Variants in KCNAB1 observed in about 807,000 individuals in gnomAD.
KCNAB1 encodes the protein voltage-gated potassium channel subunit beta-1.
Under a neutral mutation model 64.6 loss-of-function variants are expected in KCNAB1, and 35 were observed. The ratio of observed to expected loss-of-function variants is 0.54; its 90% CI spans 0.41 to 0.72. KCNAB1 has a LOEUF of 0.72. KCNAB1 is among the 30% of genes least tolerant of loss of function. The pLI, the probability that KCNAB1 is intolerant of heterozygous loss-of-function variation, is 0.00. For synonymous variants in KCNAB1, 177 were observed against 183.8 expected (o/e 0.96, Z 0.30); for missense variants, 401 against 512.9 (o/e 0.78, Z 2.11).
At chr3:156,204,099 T>C (rs1664480958) in intron 1 of KCNAB1, among the ~76,000 whole-genome samples, 1 of 152,166 alleles carries the variant, frequency 6.6e-6, no homozygotes, top group African/African-American at 2.4e-5. Context: ...TCAGTGGGAG[T>C]AGGAAGACAG....
chr3:156,499,366 C>T (rs1004299447), intron 8 of KCNAB1, among the ~76,000 whole-genome samples: 1 of 152,082 alleles, frequency 6.6e-6, no homozygotes, highest in African/African-American at 2.4e-5. Context: ...ATTTCTAGGA[C>T]CCTCAGTTTT....
At chr3:156,269,616 T>C (rs1216848135) in intron 1 of KCNAB1, among the ~76,000 whole-genome samples, 1 of 152,190 alleles carries the variant, frequency 6.6e-6, no homozygotes, top group Non-Finnish European at 1.5e-5. Context: ...AGATATTATT[T>C]TAGTGCTAAT....
intron 1 of KCNAB1, among the ~76,000 whole-genome samples, chr3:156,144,911 G>A (rs575228455): frequency 2.6e-5 from 4 of 152,308 alleles, no homozygotes; most frequent in Admixed American, 2.0e-4. Context: ...TATGTTCTAG[G>A]AAAGCATTTT....
chr3:156,367,865 A>G (rs1017833842), intron 1 of KCNAB1, among the ~76,000 whole-genome samples: 5 of 152,288 alleles, frequency 3.3e-5, no homozygotes, highest in African/African-American at 1.2e-4. Context: ...AAAAATACAC[A>G]AGACAAAAAT....
At chr3:156,177,415 C>T (rs1343083925) in intron 1 of KCNAB1, among the ~76,000 whole-genome samples, 3 of 152,158 alleles carry the variant, frequency 2.0e-5, no homozygotes, top group Non-Finnish European at 4.4e-5. Context: ...CTCTCTCTGT[C>T]GCCGAGGCTG....
At chr3:156,226,009 A>G (rs1381225985) in intron 1 of KCNAB1, among the ~76,000 whole-genome samples, 4 of 152,196 alleles carry the variant, frequency 2.6e-5, no homozygotes, top group Non-Finnish European at 4.4e-5. Context: ...CAATCTATAA[A>G]TTCATTGCAA....
chr3:156,294,963 C>T (rs551550426), intron 1 of KCNAB1, among the ~76,000 whole-genome samples: 3 of 152,214 alleles, frequency 2.0e-5, no homozygotes, highest in Non-Finnish European at 4.4e-5. Context: ...TTGCTGAGCA[C>T]CTATTCTATA....
chr3:156,296,271 CT>C (rs1469616312), intron 1 of KCNAB1, among the ~76,000 whole-genome samples: 1 of 151,962 alleles, frequency 6.6e-6, no homozygotes, highest in Non-Finnish European at 1.5e-5. Context: ...TTTTAAATAA[CT>C]TTTTGGAATG....
chr3:156,343,136 G>A lies in KCNAB1; in HGVS notation c.276-78480G>A, dbSNP rs769804929. 3.9e-5 allele frequency among the ~76,000 whole-genome samples: 6 copies of A among 152,266 alleles called. No homozygotes were observed. In the South Asian group the frequency reaches 1.0e-3, roughly 26 times the overall value. On this transcript the variant is annotated intron_variant, in intron 1 of 13. Transcript: ENST00000490337. ...TTCCTGCATAAAATGGATTTTAATC[G>A]TACAGCTACAGCTCTCTAGTTGCTT...
At chr3:156,318,453 A>G (rs937243909) in intron 1 of KCNAB1, among the ~76,000 whole-genome samples, 46 of 152,228 alleles carry the variant, frequency 3.0e-4, no homozygotes, top group African/African-American at 9.9e-4. Context: ...CTTCCCAGCA[A>G]CTGTTGCTTT....
At chr3:156,365,539 A>G (rs1022686512) in intron 1 of KCNAB1, among the ~76,000 whole-genome samples, 4 of 152,214 alleles carry the variant, frequency 2.6e-5, no homozygotes, top group African/African-American at 9.6e-5. Flanking sequence ...CTTATACACC[A>G]GTATTTTTCA....
At chr3:156,463,863 G>C in intron 6 of KCNAB1, 117 bp downstream of exon 6, 1 of 574,968 alleles carries the variant, frequency 1.7e-6, no homozygotes, top group Non-Finnish European at 2.8e-6. Flanking sequence ...AGGGTTTTTT[G>C]TTTTTTTTTT....
intron 1 of KCNAB1, among the ~76,000 whole-genome samples, chr3:156,181,977 A>G (rs577821100): frequency 6.6e-6 from 1 of 152,322 alleles, no homozygotes; most frequent in African/African-American, 2.4e-5. Context: ...AAGAAACTGG[A>G]GAGTTATTCA....
chr3:156,181,483 C>G (rs1196428546), intron 1 of KCNAB1, among the ~76,000 whole-genome samples: 1 of 152,124 alleles, frequency 6.6e-6, no homozygotes, highest in African/African-American at 2.4e-5. Context: ...TAAAGCTCTC[C>G]TTGGGGACTG....
At chr3:156,300,329 C>T (rs1041725215) in intron 1 of KCNAB1, among the ~76,000 whole-genome samples, 17 of 152,176 alleles carry the variant, frequency 1.1e-4, no homozygotes, top group Non-Finnish European at 2.1e-4. Context: ...TAATTTTCTG[C>T]CTCATAAGGT....
intron 1 of KCNAB1, among the ~76,000 whole-genome samples, chr3:156,252,742 C>T (rs149483458): frequency 6.6e-6 from 1 of 152,270 alleles, no homozygotes; most frequent in Non-Finnish European, 1.5e-5. Flanking sequence ...TCCTAATCCC[C>T]AAAGCACTCA....
intron 1 of KCNAB1, chr3:156,292,178 T>C (rs1341151822): frequency 6.3e-7 from 1 of 1,590,624 alleles, no homozygotes; most frequent in Non-Finnish European, 8.6e-7. Flanking sequence ...TCTATACAGG[T>C]GCAGTGGAGA....
chr3:156,513,376 T>A (rs1159057680), intron 8 of KCNAB1, among the ~76,000 whole-genome samples: 1 of 152,124 alleles, frequency 6.6e-6, no homozygotes, highest in Non-Finnish European at 1.5e-5. Context: ...CTACTGCAAC[T>A]CTACTTTGAG....
rs75914821 is a variant in KCNAB1, at chr3:156,274,603, G to T, written c.276-147013G>T. Among the ~76,000 whole-genome samples, 40 of 152,182 alleles carry T rather than the reference G, an allele frequency of 2.6e-4. No homozygotes were observed. The East Asian group carries it at 7.7e-3, about 29-fold the overall frequency. ...AAAAAATAACTATCTCTGTGATGTA[G>T]TCAAAAGTGTCTTTGAATATCAGTC... On this transcript the variant is annotated intron_variant, in intron 1 of 13. Transcript: ENST00000490337.
Sources: gnomAD v4.1 joint callset for allele counts (sites outside exome capture counted in the v4.1 genomes callset) on GRCh38, gnomAD v4.1.1 for gene constraint, MANE v1.5 for transcripts, NCBI Gene and HGNC (gene_info 2026-07-23, HGNC 2026-07-21) for gene names.